Variants in EYA1 observed in about 807,000 individuals in gnomAD.
EYA1 encodes the protein EYA transcriptional coactivator and phosphatase 1, also known as protein phosphatase EYA1.
A neutral mutation model predicts 82.0 loss-of-function variants in EYA1; 16 were observed. That is an observed-to-expected ratio of 0.20 (90% confidence interval 0.13 to 0.30). The LOEUF (loss-of-function observed/expected upper bound fraction) is 0.30, where lower values mean the gene tolerates loss of function less well. EYA1 is among the 10% of genes least tolerant of loss of function. The pLI is 1.00. For synonymous variants in EYA1, 261 were observed against 264.4 expected (o/e 0.99, Z 0.12); for missense variants, 633 against 730.7 (o/e 0.87, Z 1.54).
chr8:71,299,077 T>C lies in EYA1; in HGVS notation c.796A>G (p.Thr266Ala). ...GTGGGATCTGTAACTGCTTGGCTGG[T>C]GATGCCAGATGGCGGTTCTTGAAGC... The part of the protein sequence containing the change: ...YQLQEPPSGI[T>A]SQAVTDPTAE... Residue 266 changes from threonine (T) to alanine (A), a missense_variant, in exon 9 of 18, where the codon ACC becomes GCC. Coordinates refer to ENST00000340726, the MANE Select transcript of EYA1 (RefSeq NM_000503.6). The C allele has an allele frequency of 6.2e-7, 1 of 1,614,118 alleles. No individual in the cohort carries two copies. The highest frequency in any genetic ancestry group is 8.5e-7 in the Non-Finnish European group (1 of 1,179,988).
chr8:71,205,404 CAAATAATTTTATGGTAAA>C (rs1807634192), intron 17 of EYA1, among the ~76,000 whole-genome samples: 1 of 149,218 alleles, frequency 6.7e-6, no homozygotes, highest in Non-Finnish European at 1.5e-5. Flanking sequence ...ATTAGGGAAA[CAAATAATTTTATGGTAAA>C]AAAAGAACAA....
intron 2 of EYA1, among the ~76,000 whole-genome samples, chr8:71,503,822 C>G (rs1811994667): frequency 6.6e-6 from 1 of 152,190 alleles, no homozygotes; most frequent in Non-Finnish European, 1.5e-5. Flanking sequence ...AGCATCCCCA[C>G]AGACCACAGC....
intron 9 of EYA1, among the ~76,000 whole-genome samples, chr8:71,272,217 T>C (rs1816632122): frequency 6.6e-6 from 1 of 152,146 alleles, no homozygotes; most frequent in Admixed American, 6.5e-5. Context: ...GCTTCTCTCA[T>C]TCATTCCAGT....
chr8:71,337,473 A>G (rs911610109), intron 3 of EYA1, among the ~76,000 whole-genome samples: 7 of 152,008 alleles, frequency 4.6e-5, no homozygotes, highest in African/African-American at 1.7e-4. Context: ...TTGGCCATGC[A>G]CTCCAGGCCT....
At chr8:71,215,359 T>G in intron 16 of EYA1, 28 bp downstream of exon 16, 2 of 1,607,628 alleles carry the variant, frequency 1.2e-6, no homozygotes, top group Non-Finnish European at 1.7e-6. Context: ...AAGAGCTGAT[T>G]GTTAAAAAGA....
intron 2 of EYA1, among the ~76,000 whole-genome samples, chr8:71,430,827 A>G (rs574352744): frequency 1.2e-4 from 18 of 152,184 alleles, no homozygotes; most frequent in Admixed American, 1.0e-3. Flanking sequence ...ACCAAAGCCA[A>G]AAGGTGATGT....
At chr8:71,312,894 A>C (rs1821507806) in intron 7 of EYA1, among the ~76,000 whole-genome samples, 1 of 152,258 alleles carries the variant, frequency 6.6e-6, no homozygotes, top group Admixed American at 6.5e-5. Context: ...TCTACATAGC[A>C]CAGCTTATCA....
chr8:71,425,749 G>GGAATCATGTCCCAGTAAT (rs1805177551), intron 2 of EYA1, among the ~76,000 whole-genome samples: 1 of 152,102 alleles, frequency 6.6e-6, no homozygotes, highest in Non-Finnish European at 1.5e-5. Flanking sequence ...TGGTATCATT[G>GGAATCATGTCCCAGTAAT]GAATCATGTC....
At chr8:71,292,500 G>T (rs1448512147) in intron 9 of EYA1, among the ~76,000 whole-genome samples, 1 of 152,136 alleles carries the variant, frequency 6.6e-6, no homozygotes, top group East Asian at 1.9e-4. Flanking sequence ...TTTATAGAGA[G>T]TGAAATTTGA....
At chr8:71,285,815 CT>C (rs911643548) in intron 9 of EYA1, among the ~76,000 whole-genome samples, 1 of 152,178 alleles carries the variant, frequency 6.6e-6, no homozygotes, top group Non-Finnish European at 1.5e-5. Flanking sequence ...TAATTTCTTC[CT>C]GAGCATGTCT....
At position 71,261,441 on chromosome 8, in the gene EYA1, A is replaced by C. The variant is rs117653535; in HGVS notation, c.1050+8299T>G. Among the ~76,000 whole-genome samples, 592 of 152,348 alleles carry C rather than the reference A, an allele frequency of 3.9e-3. 4 individuals carry two copies. The highest frequency in any genetic ancestry group is 0.02 in the Middle Eastern group (6 of 294). ...ACTGTATACACATAAAAAATAAACC[A>C]TGGTTAAACTACTGCCTGAATGATC... On this transcript the variant is annotated intron_variant, in intron 11 of 17. Transcript: ENST00000340726.
chr8:71,286,767 T>G (rs992718602), intron 9 of EYA1, among the ~76,000 whole-genome samples: 1 of 151,302 alleles, frequency 6.6e-6, no homozygotes, highest in Non-Finnish European at 1.5e-5. Context: ...TTACGTGTGA[T>G]AGTGTGACCA....
intron 2 of EYA1, among the ~76,000 whole-genome samples, chr8:71,533,858 G>A (rs1406484269): frequency 6.6e-6 from 1 of 152,120 alleles, no homozygotes; most frequent in African/African-American, 2.4e-5. Flanking sequence ...TCCTTGTTCT[G>A]TACCTCTGAG....
chr8:71,269,635 A>T, intron 11 of EYA1, 105 bp downstream of exon 11: 1 of 775,108 alleles, frequency 1.3e-6, no homozygotes, highest in Non-Finnish European at 2.1e-6. Flanking sequence ...TTCTCCATTT[A>T]TATTTTAAAT....
chr8:71,360,450 C>A (rs1339306305), intron 1 of EYA1, among the ~76,000 whole-genome samples: 1 of 152,194 alleles, frequency 6.6e-6, no homozygotes, highest in African/African-American at 2.4e-5. Flanking sequence ...ACTCACACAG[C>A]AGTGGACTTC....
rs542415001 is a variant in EYA1 at position 71,377,135 on chromosome 8, G to C, written c.34-20624C>G. ...GGTTTGGCAAATAAGACATTAACAA[G>C]GAGGAAGCAAGCAGATACTAAATGG... On this transcript the variant is annotated intron_variant, in intron 2 of 18. Coordinates refer to the EYA1 transcript ENST00000643681. Among the ~76,000 whole-genome samples the C allele has an allele frequency of 9.9e-5, 15 of 152,276 alleles. No homozygotes were observed. In the South Asian group the frequency reaches 3.1e-3, roughly 32 times the overall value.
rs147723606 is a variant in EYA1, at chr8:71,467,583, A to G, written c.33+68161T>C. On this transcript the variant is annotated intron_variant, in intron 2 of 18. Coordinates refer to the EYA1 transcript ENST00000643681. ...TCTAGGGTACTATTTAAAACTCACT[A>G]TTTTGTAATTAATTTTGAGAGTTTC... Among the ~76,000 whole-genome samples the G allele has an allele frequency of 3.2e-3, 487 of 152,236 alleles. 3 individuals are homozygous for G. The highest frequency in any genetic ancestry group is 0.011 in the African/African-American group (475 of 41,572).
intron 2 of EYA1, among the ~76,000 whole-genome samples, chr8:71,420,056 G>A (rs1831060389): frequency 6.6e-6 from 1 of 152,094 alleles, no homozygotes. Context: ...AAAGGTGATG[G>A]ACTGAAAAAT....
In EYA1 at chr8:71,356,475, A is replaced by G. The variant is rs1451772173; in HGVS notation, c.-18T>C. On this transcript the variant is annotated 5_prime_UTR_variant, in exon 2 of 18. Transcript: ENST00000340726. The stretch of plus-strand genomic sequence containing the variant: ...CAATATCCTTACCTGCAACTTGAGG[A>G]AACAGCAACATCTGAACTGGCTTGA... 6.3e-7 allele frequency: 1 copy of G among 1,585,478 alleles called. No individual in the cohort carries two copies.
Sources: gnomAD v4.1 joint callset for allele counts (sites outside exome capture counted in the v4.1 genomes callset) on GRCh38, gnomAD v4.1.1 for gene constraint, MANE v1.5 for transcripts, NCBI Gene and HGNC (gene_info 2026-07-23, HGNC 2026-07-21) for gene names.